CPNE8: variants seen among roughly 807,000 people sequenced by gnomAD.
CPNE8 encodes copine-8.
Under a neutral mutation model 81.5 loss-of-function variants are expected in CPNE8, and 45 were observed. The ratio of observed to expected loss-of-function variants is 0.55; its 90% confidence interval spans 0.44 to 0.71. CPNE8 has a LOEUF of 0.71. Ranked by LOEUF, CPNE8 falls within the 30% of genes least tolerant of loss-of-function variation. CPNE8 has a pLI of 0.00. For synonymous variants in CPNE8, 252 were observed against 226.3 expected (o/e 1.11, Z -1.02); for missense variants, 594 against 672.1 (o/e 0.88, Z 1.28).
At chr12:38,767,965 T>G (rs545070857) in intron 7 of CPNE8, among the ~76,000 whole-genome samples, 122 of 152,292 alleles carry the variant, frequency 8.0e-4, no homozygotes, top group Non-Finnish European at 1.5e-3. Flanking sequence ...TTTCAAAAAC[T>G]TTTAACATTT....
rs144563722 is a variant in CPNE8, at chr12:38,724,252, T to A, written c.853-419A>T. ...ATCTAATATTTTAACTGTCTTGCTT[T>A]ATAGAGATCTTTAAAAGAAAATTGA... On this transcript the variant is annotated intron_variant, in intron 12 of 19. Transcript: ENST00000331366. Among the ~76,000 whole-genome samples, 4 of 152,292 alleles carry A rather than the reference T, an allele frequency of 2.6e-5. No homozygotes were observed. In the East Asian group the frequency reaches 7.7e-4, roughly 29 times the overall value.
At chr12:38,776,909 T>C (rs1047193159) in intron 6 of CPNE8, among the ~76,000 whole-genome samples, 23 of 152,278 alleles carry the variant, frequency 1.5e-4, no homozygotes, top group African/African-American at 5.5e-4. Flanking sequence ...ATACAAAGTA[T>C]GTATGTACAG....
chr12:38,881,656 A>T (rs193023460), intron 1 of CPNE8, among the ~76,000 whole-genome samples: 1,652 of 152,328 alleles, frequency 0.011, 22 homozygotes, highest in South Asian at 0.039. Flanking sequence ...ATTAACTGTA[A>T]AATTTTTTAT....
At chr12:38,851,845 G>T (rs552424810) in intron 3 of CPNE8, among the ~76,000 whole-genome samples, 1 of 152,050 alleles carries the variant, frequency 6.6e-6, no homozygotes, top group South Asian at 2.1e-4. Context: ...CTCATTTTAG[G>T]CAGTATCCCT....
At chr12:38,693,561 T>C in intron 15 of CPNE8, 96 bp downstream of exon 15, 1 of 1,059,268 alleles carries the variant, frequency 9.4e-7, no homozygotes, top group Non-Finnish European at 1.4e-6. Context: ...TCAGTAAAGC[T>C]TGCTACTTGA....
At position 38,815,557 on chromosome 12, in the gene CPNE8, TAAC is replaced by T. The variant is rs377493867; in HGVS notation, c.407+13819_407+13821del. On this transcript the variant is annotated intron_variant, in intron 6 of 19. Transcript: ENST00000331366. ...ATGCAGTTTTTTATTTTCAAATTAT[TAAC>T]AACATGTCATTTCTAAGATTTTAAT... is the stretch of plus-strand genomic sequence containing the variant. Among the ~76,000 whole-genome samples the T allele has an allele frequency of 1.3e-3, 200 of 152,302 alleles. 1 individual carries two copies. The South Asian group carries it at 0.022, about 17-fold the overall frequency.
At chr12:38,659,788 A>T (rs955061510) in intron 19 of CPNE8, among the ~76,000 whole-genome samples, 2 of 151,944 alleles carry the variant, frequency 1.3e-5, no homozygotes, top group African/African-American at 2.4e-5. Context: ...AATCTGCTCA[A>T]TGTGCAAAAA....
intron 6 of CPNE8, among the ~76,000 whole-genome samples, chr12:38,777,356 G>A (rs1202274557): frequency 6.6e-6 from 1 of 152,178 alleles, no homozygotes; most frequent in Non-Finnish European, 1.5e-5. Flanking sequence ...GCTGTGCAAT[G>A]TGTTTGTGTT....
intron 10 of CPNE8, among the ~76,000 whole-genome samples, chr12:38,740,044 A>G (rs1163444292): frequency 6.6e-6 from 1 of 152,172 alleles, no homozygotes; most frequent in Non-Finnish European, 1.5e-5. Context: ...AGACTTAAAT[A>G]TAAGGATATT....
At chr12:38,711,343 A>G (rs1214121435) in intron 13 of CPNE8, among the ~76,000 whole-genome samples, 1 of 152,192 alleles carries the variant, frequency 6.6e-6, no homozygotes, top group East Asian at 1.9e-4. Flanking sequence ...GGCATACCTG[A>G]AGAGTTTCCT....
chr12:38,677,513 A>G lies in CPNE8; in HGVS notation c.1313T>C (p.Leu438Pro). The G allele has an allele frequency of 6.2e-7, 1 of 1,612,708 alleles. No homozygotes were observed. The highest frequency in any genetic ancestry group is 8.5e-7 in the Non-Finnish European group (1 of 1,179,066). The change falls in exon 17 of 20, where the codon CTT becomes CCT. Residue 438 changes from leucine (L) to proline (P), a missense_variant. By Grantham distance (98) the Leu-to-Pro change is moderately conservative. Coordinates refer to ENST00000331366, the MANE Select transcript of CPNE8 (RefSeq NM_153634.3). ...GATAACACCATCTGTAACAATCAGA[A>G]GCACAAAATACTGGGAGCCATCCTT... ...SVKDGSQYFV[L>P]LIVTDGVISD...
chr12:38,847,767 T>A (rs1022480040), intron 4 of CPNE8, among the ~76,000 whole-genome samples: 4 of 152,188 alleles, frequency 2.6e-5, no homozygotes, highest in Non-Finnish European at 5.9e-5. Flanking sequence ...AAATAAGATG[T>A]TGATAGCTTT....
At chr12:38,842,518 T>G (rs1943486868) in intron 4 of CPNE8, among the ~76,000 whole-genome samples, 1 of 150,870 alleles carries the variant, frequency 6.6e-6, no homozygotes, top group South Asian at 2.1e-4. Flanking sequence ...TATACCTGAA[T>G]ACAATAATAC....
chr12:38,767,080 C>CA lies in CPNE8; in HGVS notation c.575+554dup, dbSNP rs1305311024. On this transcript the variant is annotated intron_variant, in intron 8 of 19. Transcript: ENST00000331366. The stretch of plus-strand genomic sequence containing the variant: ...AATACTAATAGTACAATATGAATCA[C>CA]AAAAAACAAGTCAGATATATTTAAT... 2.0e-5 allele frequency among the ~76,000 whole-genome samples: 3 copies of CA among 151,852 alleles called. No individual in the cohort carries two copies. In the South Asian group the frequency reaches 6.2e-4, roughly 31 times the overall value.
chr12:38,738,660 A>T (rs1178678239), intron 10 of CPNE8, among the ~76,000 whole-genome samples: 1 of 152,152 alleles, frequency 6.6e-6, no homozygotes, highest in African/African-American at 2.4e-5. Context: ...GATTTGAAAG[A>T]ATTTTCAGCC....
At chr12:38,809,243 G>A (rs1035388574) in intron 6 of CPNE8, among the ~76,000 whole-genome samples, 2 of 152,168 alleles carry the variant, frequency 1.3e-5, no homozygotes, top group Non-Finnish European at 2.9e-5. Context: ...GTGTCGGCCA[G>A]CTTGTGTTCT....
chr12:38,683,995 T>C (rs1246029853), intron 16 of CPNE8, among the ~76,000 whole-genome samples: 2 of 152,116 alleles, frequency 1.3e-5, no homozygotes, highest in Non-Finnish European at 2.9e-5. Context: ...CAGAAAAAAT[T>C]ATGAAATTAC....
intron 7 of CPNE8, among the ~76,000 whole-genome samples, chr12:38,769,264 A>C (rs114945395): frequency 2.5e-3 from 378 of 152,326 alleles, no homozygotes; most frequent in African/African-American, 8.6e-3. Flanking sequence ...CTTCTATCAG[A>C]GGAACATTTA....
At chr12:38,779,981 T>A (rs2136900768) in intron 6 of CPNE8, among the ~76,000 whole-genome samples, 1 of 152,264 alleles carries the variant, frequency 6.6e-6, no homozygotes, top group South Asian at 2.1e-4. Flanking sequence ...CAAGCTGTCA[T>A]TGCCAGTGCC....
Sources: gnomAD v4.1 joint callset for allele counts (sites outside exome capture counted in the v4.1 genomes callset) on GRCh38, gnomAD v4.1.1 for gene constraint, MANE v1.5 for transcripts, NCBI Gene and HGNC (gene_info 2026-07-23, HGNC 2026-07-21) for gene names.